The following ELP4 variants were observed in gnomAD, a reference collection of about 807,000 sequenced individuals.
ELP4 encodes the protein elongator acetyltransferase complex subunit 4.
ELP4 carries 51 observed loss-of-function variants against 48.9 expected under a neutral mutation model. The observed-to-expected ratio is 1.04, with a 90% confidence interval of 0.83 to 1.32. The LOEUF (loss-of-function observed/expected upper bound fraction) is 1.32, where lower values mean the gene tolerates loss of function less well. ELP4 is among the 40% of genes most tolerant of loss of function. The pLI is 0.00. For missense variants in ELP4, 519 were observed against 514.6 expected (o/e 1.01, Z -0.08); for synonymous variants, 210 against 189.2 (o/e 1.11, Z -0.90).
intron 3 of ELP4, among the ~76,000 whole-genome samples, chr11:31,564,071 A>G (rs1026835686): frequency 6.6e-6 from 1 of 152,246 alleles, no homozygotes. Flanking sequence ...TATAGATTAT[A>G]GTAGTGATCA....
chr11:31,554,532 CAAATT>C (rs1359104549), intron 3 of ELP4, among the ~76,000 whole-genome samples: 1 of 152,040 alleles, frequency 6.6e-6, no homozygotes, highest in African/African-American at 2.4e-5. Context: ...TTACCACAAT[CAAATT>C]AATTAACACA....
At chr11:31,567,041 T>A (rs1380912417) in intron 3 of ELP4, among the ~76,000 whole-genome samples, 2 of 152,000 alleles carry the variant, frequency 1.3e-5, no homozygotes, top group African/African-American at 4.8e-5. Flanking sequence ...TATTTATTTT[T>A]TTTTTCAGCC....
At chr11:31,577,898 C>T (rs1447729759) in intron 3 of ELP4, among the ~76,000 whole-genome samples, 5 of 152,146 alleles carry the variant, frequency 3.3e-5, no homozygotes, top group Admixed American at 6.6e-5. Flanking sequence ...ACATGGATGC[C>T]CTCTCTCACC....
rs769211434 is a variant in ELP4 at position 31,509,932 on chromosome 11, G to A, written c.148G>A (p.Ala50Thr). 6.2e-7 allele frequency: 1 copy of A among 1,613,790 alleles called. No homozygotes were observed. Among genetic ancestry groups the A allele is most frequent in the Admixed American group, 1.7e-5 (1 of 60,032 alleles). ...NDSGPRLVSI[A>T]GTRPSVRNGQ... ...CAGCGGCCCTCGACTGGTGTCCATT[G>A]CGGGCACGCGACCGTCGGTGCGGAA... Residue 50 changes from alanine to threonine, a missense_variant, in exon 1 of 10, where the codon GCG (alanine) becomes ACG (threonine). Coordinates refer to ENST00000640961, the MANE Select transcript of ELP4 (RefSeq NM_019040.5).
rs1185061828 is a variant in ELP4 at position 31,788,432 on chromosome 11, T to C, written c.*4908T>C. ...ACAGCTGTAGTGGTTCAATGGGAAA[T>C]GATGCCTCTTGTGCAAAGGGGAGGG... On this transcript the variant is annotated 3_prime_UTR_variant, in exon 10 of 10. Coordinates refer to ENST00000640961, the MANE Select transcript of ELP4 (RefSeq NM_019040.5). 2 of 223,460 alleles carry C rather than the reference T, an allele frequency of 9.0e-6. No individual in the cohort carries two copies. The highest frequency in any genetic ancestry group is 1.1e-4 in the Admixed American group (2 of 17,420). 13.8% of individuals were successfully genotyped at this position (223,460 alleles called of 1,614,324 possible). A position where few individuals can be genotyped will look rare whatever the true frequency, so the allele number is the denominator to read the frequency against.
chr11:31,627,408 A>G (rs1944769184), intron 6 of ELP4, among the ~76,000 whole-genome samples: 1 of 152,056 alleles, frequency 6.6e-6, no homozygotes, highest in Non-Finnish European at 1.5e-5. Flanking sequence ...GTGGAGGCAC[A>G]TAAGACATAC....
At chr11:31,779,901 G>C (rs1399497233) in intron 9 of ELP4, 1 of 152,166 alleles carries the variant, frequency 6.6e-6, no homozygotes, top group Non-Finnish European at 1.5e-5. Context: ...CTTCCTCCCA[G>C]AATCTGAGAA....
chr11:31,729,126 TATTGTA>T (rs1363013816), intron 9 of ELP4, among the ~76,000 whole-genome samples: 1 of 152,176 alleles, frequency 6.6e-6, no homozygotes, highest in African/African-American at 2.4e-5. Context: ...TGAAACAGAA[TATTGTA>T]ATTGTAGCTC....
rs549913410 is a variant in ELP4 at position 31,744,327 on chromosome 11, G to T, written c.1144-39066G>T. Among the ~76,000 whole-genome samples, 11 of 152,272 alleles carry T rather than the reference G, an allele frequency of 7.2e-5. No homozygotes were observed. The South Asian group carries it at 1.9e-3, about 26-fold the overall frequency. ...CTACCAGAGGTACAAGGAGGAGCTG[G>T]TACTATTCCTTCTGAAACTATTCCA... On this transcript the variant is annotated intron_variant, in intron 9 of 9. Coordinates refer to ENST00000640961, the MANE Select transcript of ELP4 (RefSeq NM_019040.5).
chr11:31,732,480 A>AAT (rs1554974520), intron 9 of ELP4, among the ~76,000 whole-genome samples: 3 of 151,722 alleles, frequency 2.0e-5, no homozygotes, highest in African/African-American at 7.3e-5. Flanking sequence ...AAAAAAAAAA[A>AAT]AAATAAATGA....
intron 9 of ELP4, among the ~76,000 whole-genome samples, chr11:31,696,921 A>G (rs1001408517): frequency 6.6e-6 from 1 of 152,166 alleles, no homozygotes; most frequent in African/African-American, 2.4e-5. Flanking sequence ...GACTCATCTC[A>G]CGTGCAGAGA....
intron 9 of ELP4, among the ~76,000 whole-genome samples, chr11:31,691,227 A>T (rs903259939): frequency 6.6e-5 from 10 of 152,074 alleles, no homozygotes; most frequent in Non-Finnish European, 1.0e-4. Flanking sequence ...ATTTTTTTTT[A>T]AATCTCGGAT....
At chr11:31,728,651 G>C (rs1947125570) in intron 9 of ELP4, among the ~76,000 whole-genome samples, 1 of 152,100 alleles carries the variant, frequency 6.6e-6, no homozygotes, top group Non-Finnish European at 1.5e-5. Context: ...ATTGGTTGCT[G>C]GGCAATAGAC....
At chr11:31,576,291 C>T (rs1057482508) in intron 3 of ELP4, among the ~76,000 whole-genome samples, 1 of 152,192 alleles carries the variant, frequency 6.6e-6, no homozygotes, top group African/African-American at 2.4e-5. Flanking sequence ...ATTCATAAAG[C>T]AAGTCCTTAG....
At position 31,787,207 on chromosome 11, in the gene ELP4, G is replaced by A; in HGVS notation, c.*3683G>A. ...CGTTCCCATCCTGCCGGACCAGAGG[G>A]CTTCTGCAGCTGAGCAGCCGCTTCT... On this transcript the variant is annotated 3_prime_UTR_variant, in exon 10 of 10. Coordinates refer to ENST00000640961, the MANE Select transcript of ELP4 (RefSeq NM_019040.5). The A allele has an allele frequency of 4.3e-6, 1 of 232,606 alleles. No homozygotes were observed. The highest frequency in any genetic ancestry group is 8.5e-6 in the Non-Finnish European group (1 of 117,716). 14.4% of individuals were successfully genotyped at this position (232,606 alleles called of 1,614,324 possible). A position where few individuals can be genotyped will look rare whatever the true frequency, so the allele number is the denominator to read the frequency against.
Position 31,700,155 on chromosome 11 carries a change from T to C in ELP4, c.1143+49934T>C, listed in dbSNP as rs144953443. Among the ~76,000 whole-genome samples the C allele has an allele frequency of 1.4e-3, 206 of 152,132 alleles. 1 individual carries two copies. Among genetic ancestry groups the C allele is most frequent in the African/African-American group, 4.6e-3 (190 of 41,518 alleles). On this transcript the variant is annotated intron_variant, in intron 9 of 9. Transcript: ENST00000640961. ...GTTGATAGGAATCATGTCTGCTGCT[T>C]GTTCTTGGATACTTCAGAAAAGACT... is the stretch of plus-strand genomic sequence containing the variant.
At chr11:31,775,921 C>T (rs910338261) in intron 9 of ELP4, among the ~76,000 whole-genome samples, 10 of 152,030 alleles carry the variant, frequency 6.6e-5, no homozygotes, top group Admixed American at 2.0e-4. Context: ...GCTGAGACCA[C>T]ACCATTGCAC....
chr11:31,658,610 A>G (rs1387320333), intron 9 of ELP4, among the ~76,000 whole-genome samples: 1 of 151,914 alleles, frequency 6.6e-6, no homozygotes, highest in Non-Finnish European at 1.5e-5. Flanking sequence ...TGCCAAATTT[A>G]ATTACAATAT....
intron 9 of ELP4, among the ~76,000 whole-genome samples, chr11:31,702,722 A>C (rs1231442799): frequency 2.6e-5 from 4 of 152,108 alleles, no homozygotes; most frequent in African/African-American, 7.2e-5. Context: ...TTAGGTGTAC[A>C]TTCTGGCTAT....
Sources: gnomAD v4.1 joint callset for allele counts (sites outside exome capture counted in the v4.1 genomes callset) on GRCh38, gnomAD v4.1.1 for gene constraint, MANE v1.5 for transcripts, NCBI Gene and HGNC (gene_info 2026-07-23, HGNC 2026-07-21) for gene names.